The following ATP10B variants were observed in gnomAD, a reference collection of about 807,000 sequenced individuals.
ATP10B encodes the protein phospholipid-transporting ATPase VB.
A neutral mutation model predicts 141.2 loss-of-function variants in ATP10B; 122 were observed. The observed-to-expected ratio is 0.86, with a 90% CI of 0.75 to 1.00. ATP10B has a LOEUF of 1.00. Among genes scored for constraint, ATP10B ranks in the 50% least tolerant of loss-of-function variants. The pLI is 0.00. For missense variants in ATP10B, 1,876 were observed against 1,825.3 expected (o/e 1.03, Z -0.51); for synonymous variants, 685 against 692.0 (o/e 0.99, Z 0.16).
intron 21 of ATP10B, among the ~76,000 whole-genome samples, chr5:160,601,515 A>G (rs138711978): frequency 3.7e-4 from 56 of 152,334 alleles, no homozygotes; most frequent in African/African-American, 1.3e-3. Context: ...TTGTTAATAA[A>G]GGGCTTTTCA....
chr5:160,698,698 T>C (rs1764513900), intron 3 of ATP10B, among the ~76,000 whole-genome samples: 1 of 151,980 alleles, frequency 6.6e-6, no homozygotes, highest in Non-Finnish European at 1.5e-5. Context: ...GATATATATA[T>C]ATACATGGAA....
chr5:160,598,824 A>C lies in ATP10B; in HGVS notation c.3510T>G (p.Ser1170=). 1.2e-6 allele frequency: 2 copies of C among 1,614,212 alleles called. No individual in the cohort carries two copies. Among genetic ancestry groups the C allele is most frequent in the East Asian group, 2.2e-5 (1 of 44,886 alleles). The change falls in exon 22 of 26, where the codon TCT becomes TCG. Residue 1170 remains serine, a synonymous_variant. Coordinates refer to ENST00000327245, the MANE Select transcript of ATP10B (RefSeq NM_025153.3). ...CAGGCAATGCCAGGAGTGTTTCTGC[A>C]GAGATGTCTTTGTCAAGGACTCCAA... ...LVFGVLDKDI[S]AETLLALPEL... is the part of the protein sequence containing the mutation.
chr5:160,756,175 G>A (rs1328057752), intron 2 of ATP10B, among the ~76,000 whole-genome samples: 1 of 151,544 alleles, frequency 6.6e-6, no homozygotes, highest in East Asian at 1.9e-4. Context: ...CATGGGGAAG[G>A]TCTACCTTTT....
intron 7 of ATP10B, among the ~76,000 whole-genome samples, chr5:160,660,053 T>C (rs533246517): frequency 2.2e-4 from 33 of 152,312 alleles, no homozygotes; most frequent in African/African-American, 3.8e-4. Flanking sequence ...AAGGGGGTGG[T>C]GTAATGCAGT....
chr5:160,622,247 A>T, intron 14 of ATP10B, 147 bp downstream of exon 14: 1 of 741,954 alleles, frequency 1.3e-6, no homozygotes, highest in East Asian at 2.8e-5. Context: ...TAAGAGACCT[A>T]TTCTAGGTTT....
At chr5:160,671,200 CA>C (rs953744318) in intron 6 of ATP10B, among the ~76,000 whole-genome samples, 1 of 142,140 alleles carries the variant, frequency 7.0e-6, no homozygotes, top group African/African-American at 2.6e-5. Flanking sequence ...AAACCCAAAC[CA>C]AAACAAAATC....
chr5:160,610,620 T>A (rs1330173557), intron 18 of ATP10B, among the ~76,000 whole-genome samples: 3 of 152,250 alleles, frequency 2.0e-5, no homozygotes, highest in African/African-American at 7.2e-5. Context: ...TCTTCTATGA[T>A]CTTATTTAAT....
At chr5:160,844,549 T>C (rs1315317619) in intron 1 of ATP10B, among the ~76,000 whole-genome samples, 1 of 151,610 alleles carries the variant, frequency 6.6e-6, no homozygotes, top group Admixed American at 6.6e-5. Flanking sequence ...ATAAATACTT[T>C]GTTTTTTTTT....
At chr5:160,902,683 A>G in the ATP10B span, among the ~76,000 whole-genome samples, 92,136 of 152,118 alleles carry the variant, frequency 0.61, 29,239 homozygotes, top group African/African-American at 0.79. Flanking sequence ...CCAAATATCC[A>G]TAGACTCACT....
At chr5:160,610,955 T>C (rs1180175810) in intron 18 of ATP10B, among the ~76,000 whole-genome samples, 1 of 152,160 alleles carries the variant, frequency 6.6e-6, no homozygotes. Context: ...TAAATCAATT[T>C]ATAGTGAATT....
chr5:160,866,805 G>A, the ATP10B span, among the ~76,000 whole-genome samples: 14 of 152,140 alleles, frequency 9.2e-5, no homozygotes, highest in East Asian at 2.5e-3. Flanking sequence ...CTTGGGTGGC[G>A]GGTGCACCAA....
At chr5:160,806,815 G>A (rs1772805702) in intron 1 of ATP10B, among the ~76,000 whole-genome samples, 1 of 152,064 alleles carries the variant, frequency 6.6e-6, no homozygotes, top group Non-Finnish European at 1.5e-5. Flanking sequence ...ACTTAATCTT[G>A]GGAAATATGT....
intron 7 of ATP10B, among the ~76,000 whole-genome samples, chr5:160,658,567 G>A (rs553671315): frequency 6.6e-6 from 1 of 152,316 alleles, no homozygotes; most frequent in African/African-American, 2.4e-5. Flanking sequence ...CAATCACAGA[G>A]TCCTTTGTTT....
intron 2 of ATP10B, among the ~76,000 whole-genome samples, chr5:160,724,050 C>T (rs1232272655): frequency 6.6e-6 from 1 of 152,078 alleles, no homozygotes; most frequent in East Asian, 1.9e-4. Context: ...TGCATGTTCT[C>T]ATTTGTAAGT....
rs1355774092 is a variant in ATP10B, at chr5:160,609,380, TA to T, written c.2839-2295del. ...GTGGGGGAATATGTCTGCCATAACT[TA>T]TTTTTTTTTTTTTTTGAGGCAGAGT... On this transcript the variant is annotated intron_variant, in intron 18 of 25. Coordinates refer to ENST00000327245, the MANE Select transcript of ATP10B (RefSeq NM_025153.3). Among the ~76,000 whole-genome samples, 337 of 79,470 alleles carry T rather than the reference TA, an allele frequency of 4.2e-3. 2 individuals carry two copies. The highest frequency in any genetic ancestry group is 0.036 in the South Asian group (96 of 2,646). The allele number at this position is 79,470 out of a possible 152,430, so 52.1% of individuals were successfully genotyped here.
At chr5:160,751,545 G>T (rs781361299) in intron 2 of ATP10B, among the ~76,000 whole-genome samples, 4 of 151,908 alleles carry the variant, frequency 2.6e-5, no homozygotes, top group Non-Finnish European at 4.4e-5. Flanking sequence ...AAAAGATGAG[G>T]ATTTATCCTA....
chr5:160,694,998 T>C (rs919780065), intron 3 of ATP10B, among the ~76,000 whole-genome samples: 2 of 152,206 alleles, frequency 1.3e-5, no homozygotes, highest in Admixed American at 6.5e-5. Flanking sequence ...GCAGAGGAGA[T>C]TGGCTTTATA....
At chr5:160,705,197 C>T (rs566237765) in intron 3 of ATP10B, among the ~76,000 whole-genome samples, 6 of 151,980 alleles carry the variant, frequency 3.9e-5, no homozygotes, top group Non-Finnish European at 7.4e-5. Context: ...GGATTACAGG[C>T]GTGAGCCACG....
rs1774124474 is a variant in ATP10B, at chr5:160,821,758, G to GA, written c.-576+30182dup. Among the ~76,000 whole-genome samples, 3 of 152,132 alleles carry GA rather than the reference G, an allele frequency of 2.0e-5. No homozygotes were observed. The South Asian group carries it at 6.2e-4, about 32-fold the overall frequency. The stretch of plus-strand genomic sequence containing the variant: ...AAGGTGCAAAGAACATACAGTGGGG[G>GA]AAAGAGCAGTCTCGTTAATAAATGG... On this transcript the variant is annotated intron_variant, in intron 1 of 25. Transcript: ENST00000327245.
Sources: allele counts gnomAD v4.1 joint callset (sites outside exome capture counted in the v4.1 genomes callset), GRCh38; gene constraint gnomAD v4.1.1; transcripts MANE v1.5; gene names NCBI Gene and HGNC (gene_info 2026-07-23, HGNC 2026-07-21).